The following TMEM131 variants were observed in gnomAD, a reference collection of about 807,000 sequenced individuals.
TMEM131 encodes the protein 2610524E03Rik.
TMEM131 carries 66 observed loss-of-function variants against 211.6 expected under a neutral mutation model. The observed-to-expected ratio is 0.31, with a 90% CI of 0.26 to 0.38. The LOEUF (loss-of-function observed/expected upper bound fraction) is 0.38, where lower values mean the gene tolerates loss of function less well. Among genes scored for constraint, TMEM131 ranks in the 10% least tolerant of loss-of-function variants. The pLI is 1.00. For missense variants in TMEM131, 2,036 were observed against 2,299.3 expected, an observed-to-expected ratio of 0.89 and a Z score of 2.34; for synonymous variants, 844 against 841.3, an observed-to-expected ratio of 1.00 and a Z score of -0.06.
At chr2:97,814,663 GA>G (rs1191734778) in intron 13 of TMEM131, among the ~76,000 whole-genome samples, 2 of 151,968 alleles carry the variant, frequency 1.3e-5, no homozygotes, top group Non-Finnish European at 2.9e-5. Flanking sequence ...GCTTTACTTT[GA>G]AAAAAATCAT....
At chr2:97,864,924 T>C (rs948382523) in intron 4 of TMEM131, among the ~76,000 whole-genome samples, 2 of 152,228 alleles carry the variant, frequency 1.3e-5, no homozygotes, top group Non-Finnish European at 2.9e-5. Context: ...GCAGCTGCCC[T>C]TGAAATGCTC....
intron 1 of TMEM131, among the ~76,000 whole-genome samples, chr2:97,931,187 G>A (rs1213898772): frequency 2.6e-5 from 4 of 151,796 alleles, no homozygotes; most frequent in Admixed American, 2.0e-4. Flanking sequence ...GGAAAGAAAA[G>A]GATTTACATT....
intron 2 of TMEM131, among the ~76,000 whole-genome samples, chr2:97,919,376 G>A (rs1038913945): frequency 3.3e-5 from 5 of 151,990 alleles, no homozygotes; most frequent in African/African-American, 4.8e-5. Context: ...TTAAAATGTC[G>A]ATTTCACTTT....
intron 5 of TMEM131, among the ~76,000 whole-genome samples, chr2:97,856,806 T>C (rs909428895): frequency 1.3e-5 from 2 of 152,110 alleles, no homozygotes; most frequent in Non-Finnish European, 2.9e-5. Context: ...CAGTGTCTTA[T>C]TGTAGGGAAA....
intron 1 of TMEM131, among the ~76,000 whole-genome samples, chr2:97,957,812 T>C (rs1278357745): frequency 6.6e-6 from 1 of 152,128 alleles, no homozygotes; most frequent in Non-Finnish European, 1.5e-5. Context: ...GCTAATGTCA[T>C]AGTAGGTGCC....
intron 29 of TMEM131, among the ~76,000 whole-genome samples, chr2:97,793,917 C>T (rs1215560896): frequency 1.4e-5 from 2 of 144,060 alleles, no homozygotes; most frequent in African/African-American, 5.3e-5. Context: ...TGGCATGAAC[C>T]CGGGAGGCGG....
At chr2:97,883,420 A>T (rs929229087) in intron 4 of TMEM131, among the ~76,000 whole-genome samples, 2 of 152,062 alleles carry the variant, frequency 1.3e-5, no homozygotes, top group Admixed American at 6.6e-5. Context: ...TTCTTCCACA[A>T]ATCTTCCACA....
intron 1 of TMEM131, among the ~76,000 whole-genome samples, chr2:97,965,400 G>A (rs1055727154): frequency 1.3e-5 from 2 of 152,168 alleles, no homozygotes; most frequent in Non-Finnish European, 2.9e-5. Flanking sequence ...CTGACACTCT[G>A]GTCCCCTGGA....
At chr2:97,893,798 T>C (rs1179761804) in intron 3 of TMEM131, among the ~76,000 whole-genome samples, 2 of 152,180 alleles carry the variant, frequency 1.3e-5, no homozygotes, top group African/African-American at 4.8e-5. Context: ...GTCAGATAGA[T>C]TGCAAGAATT....
At chr2:97,777,252 C>CA in intron 31 of TMEM131, among the ~76,000 whole-genome samples, 1 of 152,326 alleles carries the variant, frequency 6.6e-6, no homozygotes, top group African/African-American at 2.4e-5. Flanking sequence ...CATTTTAACC[C>CA]AGTCTGTACG....
At position 97,833,316 on chromosome 2, in the gene TMEM131, TA is replaced by T. The variant is rs766474765; in HGVS notation, c.1074+48del. The T allele has an allele frequency of 2.2e-4, 199 of 900,012 alleles. 3 individuals carry two copies. The East Asian group carries it at 5.6e-3, about 25-fold the overall frequency. The allele number at this position is 900,012 out of a possible 1,614,324, so 55.8% of individuals were successfully genotyped here. A position where few individuals can be genotyped will look rare whatever the true frequency, so the allele number is the denominator to read the frequency against. ...ATTATTTTTAACTTTGTCATACATT[TA>T]AAAACAAAGAATATATAAATTAGGG... On this transcript the variant is annotated intron_variant, in intron 11 of 40. Transcript: ENST00000186436.
At chr2:97,944,446 C>T (rs1677940324) in intron 1 of TMEM131, among the ~76,000 whole-genome samples, 1 of 152,202 alleles carries the variant, frequency 6.6e-6, no homozygotes, top group East Asian at 1.9e-4. Context: ...AATAGGTAAG[C>T]AAAGACAACA....
At chr2:97,919,062 C>T (rs554686733) in intron 2 of TMEM131, among the ~76,000 whole-genome samples, 2 of 152,272 alleles carry the variant, frequency 1.3e-5, no homozygotes, top group African/African-American at 4.8e-5. Flanking sequence ...TCTCACATCA[C>T]GGTGATTCAC....
rs200416552 is a variant in TMEM131, at chr2:97,917,948, T to TC, written c.250-9251_250-9250insG. 1.4e-3 allele frequency among the ~76,000 whole-genome samples: 192 copies of TC among 141,376 alleles called. 3 individuals are homozygous for TC. Among genetic ancestry groups the TC allele is most frequent in the East Asian group, 6.1e-4 (3 of 4,958 alleles). The allele number at this position is 141,376 out of a possible 152,430, so 92.7% of individuals were successfully genotyped here. On this transcript the variant is annotated intron_variant, in intron 2 of 40. Coordinates refer to ENST00000186436, the MANE Select transcript of TMEM131 (RefSeq NM_015348.2). The stretch of plus-strand genomic sequence containing the variant: ...ATCACATGATTGGTTTTTTTCTCTC[T>TC]TTTTTTTTTTTTTCTTGAGACAGAA...
intron 6 of TMEM131, 31 bp from the exon 7 acceptor site, chr2:97,841,968 T>C (rs747805793): frequency 5.4e-6 from 8 of 1,475,390 alleles, no homozygotes; most frequent in Admixed American, 4.8e-5. Flanking sequence ...AATGCAATTT[T>C]AGTTGCTTTT....
rs113168938 is a variant in TMEM131 at position 97,818,466 on chromosome 2, G to C, written c.1183+147C>G. 2.3e-4 allele frequency: 71 copies of C among 303,848 alleles called. 11 individuals carry two copies. In the African/African-American group the frequency reaches 2.4e-3, roughly 10 times the overall value. The allele number at this position is 303,848 out of a possible 1,614,324, so 18.8% of individuals were successfully genotyped here. ...AAGAGTTCATGATGGTTTACAGCGG[G>C]GGGGGGCGGGGGGGGATCAACCTAA... On this transcript the variant is annotated intron_variant, in intron 12 of 40. Coordinates refer to ENST00000186436, the MANE Select transcript of TMEM131 (RefSeq NM_015348.2).
Position 97,882,783 on chromosome 2 carries a change from A to G in TMEM131, c.359+5269T>C, listed in dbSNP as rs561301933. On this transcript the variant is annotated intron_variant, in intron 4 of 40. Transcript: ENST00000186436. Reference sequence around the variant, plus strand: ...TCTGCCTCTGATTGAACCCTTACACATGTTGGTTCACACCTGCCTGCAACC... The same window carrying G: ...TCTGCCTCTGATTGAACCCTTACACGTGTTGGTTCACACCTGCCTGCAACC... 4.6e-5 allele frequency among the ~76,000 whole-genome samples: 7 copies of G among 152,190 alleles called. No individual in the cohort carries two copies. In the South Asian group the frequency reaches 1.5e-3, roughly 32 times the overall value.
Position 97,792,930 on chromosome 2 carries a change from G to A in TMEM131, c.3600C>T (p.Gly1200=), listed in dbSNP as rs1334633114. 3 of 1,610,194 alleles carry A rather than the reference G, an allele frequency of 1.9e-6. No homozygotes were observed. Among genetic ancestry groups the A allele is most frequent in the Non-Finnish European group, 8.5e-7 (1 of 1,178,900 alleles). ...PGHSRGFCGA[G]GSSSRPSAGS... Reference sequence around the variant, plus strand: ...CGGCACTGGGTCGGGATGATGAACCGCCTGCTCCACAGAACCCCCTACTGT... The same window carrying A: ...CGGCACTGGGTCGGGATGATGAACCACCTGCTCCACAGAACCCCCTACTGT... Residue 1200 remains glycine, a synonymous_variant, in exon 31 of 41, where the codon GGC becomes GGT. Transcript: ENST00000186436.
At chr2:97,816,472 T>TA (rs1212451383) in intron 12 of TMEM131, among the ~76,000 whole-genome samples, 2 of 152,362 alleles carry the variant, frequency 1.3e-5, no homozygotes, top group East Asian at 3.9e-4. Context: ...TTTATCCTCT[T>TA]AGAGTACTTT....
Sources: allele counts gnomAD v4.1 joint callset (sites outside exome capture counted in the v4.1 genomes callset), GRCh38; gene constraint gnomAD v4.1.1; transcripts MANE v1.5; gene names NCBI Gene and HGNC (gene_info 2026-07-23, HGNC 2026-07-21).